NLRP9: variants seen among roughly 807,000 people sequenced by gnomAD.
NLRP9 encodes the protein NLR family pyrin domain containing 9.
In NLRP9, 88 loss-of-function variants were observed where a neutral mutation model predicts 83.1. That is an observed-to-expected ratio of 1.06 (90% CI 0.89 to 1.26). NLRP9 has a LOEUF of 1.26. NLRP9 is among the 50% of genes most tolerant of loss of function. The pLI, the probability that NLRP9 is intolerant of heterozygous loss-of-function variation, is 0.00. For missense variants in NLRP9, 1,308 were observed against 1,179.3 expected (o/e 1.11, Z -1.60); for synonymous variants, 521 against 447.6 (o/e 1.16, Z -2.07).
chr19:55,711,072 C>A (rs1261843847), intron 8 of NLRP9, among the ~76,000 whole-genome samples: 15 of 144,152 alleles, frequency 1.0e-4, no homozygotes, highest in African/African-American at 4.1e-4. Context: ...GATGACAGAG[C>A]AAGACTCTGC....
intron 8 of NLRP9, among the ~76,000 whole-genome samples, chr19:55,711,171 A>G (rs910420023): frequency 6.6e-6 from 1 of 152,104 alleles, no homozygotes; most frequent in Admixed American, 6.6e-5. Context: ...TAATGAATTC[A>G]TGTACTCATC....
intron 4 of NLRP9, among the ~76,000 whole-genome samples, chr19:55,718,467 T>C (rs74421704): frequency 0.091 from 13,857 of 152,130 alleles, 901 homozygotes; most frequent in Non-Finnish European, 0.13. Flanking sequence ...TAGGAGAAAA[T>C]TGCCCTGTGG....
chr19:55,738,384 G>A lies in NLRP9; in HGVS notation c.-10C>T, dbSNP rs559472872. 18 of 1,610,234 alleles carry A rather than the reference G, an allele frequency of 1.1e-5. No homozygotes were observed. The South Asian group carries it at 2.0e-4, about 18-fold the overall frequency. On this transcript the variant is annotated 5_prime_UTR_variant, in exon 1 of 9. Coordinates refer to ENST00000332836, the MANE Select transcript of NLRP9 (RefSeq NM_176820.4). ...AAAAAGATTCTGCCATATCGCCCCA[G>A]GATTGTGAACTGAGGTGTCTCCAGA...
At chr19:55,713,378 G>A (rs1172532446) in intron 6 of NLRP9, among the ~76,000 whole-genome samples, 1 of 151,710 alleles carries the variant, frequency 6.6e-6, no homozygotes, top group South Asian at 2.1e-4. Context: ...ATGACATATA[G>A]ATACATGATA....
At position 55,724,060 on chromosome 19, in the gene NLRP9, G is replaced by A. The variant is rs144650620; in HGVS notation, c.2079C>T (p.Tyr693=). 545 of 1,613,304 alleles carry A rather than the reference G, an allele frequency of 3.4e-4. 1 individual carries two copies. In the African/African-American group the frequency reaches 5.1e-3, roughly 15 times the overall value. ...TGTCAGACTGGGAGAGGCTAGTGCCGTACAGGCTCAGAAGTTTCAGATGAG... is the reference window on the plus strand; with the variant it reads ...TGTCAGACTGGGAGAGGCTAGTGCCATACAGGCTCAGAAGTTTCAGATGAG... The part of the protein sequence containing the change: ...HNPHLKLLSL[Y]GTSLSQSDIR... The change falls in exon 4 of 9, where the codon TAC becomes TAT. Residue 693 remains tyrosine (Y), a synonymous_variant. Coordinates refer to ENST00000332836, the MANE Select transcript of NLRP9 (RefSeq NM_176820.4).
chr19:55,711,211 C>G (rs987567589), intron 8 of NLRP9: 2 of 199,818 alleles, frequency 1.0e-5, no homozygotes, highest in Non-Finnish European at 1.8e-5. Flanking sequence ...AATATTCAGC[C>G]TCTTCCATTT....
chr19:55,724,431 C>A (rs1169733028), intron 3 of NLRP9, among the ~76,000 whole-genome samples: 2 of 152,106 alleles, frequency 1.3e-5, no homozygotes, highest in East Asian at 3.9e-4. Context: ...TTAAACCGAG[C>A]CCCATGGGGA....
At position 55,729,913 on chromosome 19, in the gene NLRP9, C is replaced by G. The variant is rs1988521663; in HGVS notation, c.1912G>C (p.Glu638Gln). ...GAGGGATCATCGAGGCTGGTATTTT[C>G]CATGTCTAAAATCTGGAAGTTCTTG... is the stretch of plus-strand genomic sequence containing the variant. ...TNKNFQILDM[E>Q]NTSLDDPSLA... The change falls in exon 3 of 9, where the codon GAA becomes CAA. Residue 638 changes from glutamate (E) to glutamine (Q), a missense_variant. Transcript: ENST00000332836. 1 of 1,613,648 alleles carries G rather than the reference C, an allele frequency of 6.2e-7. No individual in the cohort carries two copies. Among genetic ancestry groups the G allele is most frequent in the South Asian group, 1.1e-5 (1 of 91,068 alleles).
intron 4 of NLRP9, 140 bp downstream of exon 4, chr19:55,723,840 G>T (rs1483384829): frequency 4.7e-6 from 3 of 643,746 alleles, no homozygotes; most frequent in Non-Finnish European, 5.2e-6. Context: ...TTCACCTTAT[G>T]AGAGAGACAG....
rs1185792704 is a variant in NLRP9, at chr19:55,715,137, C to T, written c.2419G>A (p.Gly807Ser). The stretch of plus-strand genomic sequence containing the variant: ...CCATTATCTTCCAGGGCATTTGAGC[C>T]CAGATCGAGGAGGGACAGGGACTTA... ...CSKSLSLLDL[G>S]SNALEDNGVA... is the part of the protein sequence containing the mutation. Residue 807 changes from glycine (G) to serine (S), a missense_variant, in exon 6 of 9, where the codon GGC (glycine) becomes AGC (serine). Gly to Ser is a moderately conservative substitution (Grantham distance 56). Transcript: ENST00000332836. 1.2e-6 allele frequency: 2 copies of T among 1,613,276 alleles called. No individual in the cohort carries two copies. The highest frequency in any genetic ancestry group is 1.7e-6 in the Non-Finnish European group (2 of 1,179,900).
At position 55,732,607 on chromosome 19, in the gene NLRP9, A is replaced by T; in HGVS notation, c.1224T>A (p.Phe408Leu). Residue 408 changes from phenylalanine (F) to leucine (L), a missense_variant, in exon 2 of 9, where the codon TTT becomes TTA. Coordinates refer to ENST00000332836, the MANE Select transcript of NLRP9 (RefSeq NM_176820.4). ...TCCGGAGATCCCCATGGGAAAATAC[A>T]AATGTATATGTCCAAATTCCCTCTG... ...LAAEGIWTYT[F>L]VFSHGDLRRN... is the part of the protein sequence containing the mutation. 1 of 1,614,226 alleles carries T rather than the reference A, an allele frequency of 6.2e-7. No homozygotes were observed.
intron 6 of NLRP9, among the ~76,000 whole-genome samples, chr19:55,713,542 C>T (rs900939901): frequency 3.4e-5 from 5 of 147,976 alleles, no homozygotes; most frequent in African/African-American, 1.3e-4. Context: ...TTTTGGTCTA[C>T]CACGCCAGGA....
intron 4 of NLRP9, among the ~76,000 whole-genome samples, chr19:55,720,911 A>T (rs1220892117): frequency 6.6e-6 from 1 of 152,234 alleles, no homozygotes; most frequent in Non-Finnish European, 1.5e-5. Flanking sequence ...ACAAATGAAA[A>T]GGCGCTCATA....
In NLRP9 at chr19:55,738,158, G is replaced by A. The variant is rs1297774145; in HGVS notation, c.217C>T (p.Leu73=). Residue 73 remains leucine (L), a synonymous_variant, in exon 1 of 9, where the codon CTG becomes TTG. Transcript: ENST00000332836. ...CTATTGATCTGTAGAAACAGGTTCA[G>A]TGTTACCTCCCATGCCTGCTTTCCT... The part of the protein sequence containing the change: ...YPGKQAWEVT[L]NLFLQINRKD... The A allele has an allele frequency of 6.2e-7, 1 of 1,614,114 alleles. No individual in the cohort carries two copies. The highest frequency in any genetic ancestry group is 8.5e-7 in the Non-Finnish European group (1 of 1,179,970).
chr19:55,713,709 CT>C (rs1454211924), intron 6 of NLRP9, among the ~76,000 whole-genome samples: 339 of 548 alleles, frequency 0.62, 132 homozygotes, highest in Middle Eastern at 1. Flanking sequence ...CTCCCCACCT[CT>C]TCCCCCCTCC....
chr19:55,711,108 C>CA (rs568342962), intron 8 of NLRP9, among the ~76,000 whole-genome samples: 48,109 of 144,250 alleles, frequency 0.33, 9,036 homozygotes, highest in African/African-American at 0.5. Flanking sequence ...CAAAACAAAA[C>CA]AAAAAAAAAA....
At position 55,732,210 on chromosome 19, in the gene NLRP9, C is replaced by G. The variant is rs117621173; in HGVS notation, c.1621G>C (p.Ala541Pro). ...SQCEADREAI[A>P]FQELFIGLFE... The stretch of plus-strand genomic sequence containing the variant: ...AAACCAATGAATAGTTCCTGGAAAG[C>G]TATGGCTTCCCTATCAGCTTCACAT... Residue 541 changes from alanine (A) to proline (P), a missense_variant, in exon 2 of 9, where the codon GCT becomes CCT. Transcript: ENST00000332836. The G allele has an allele frequency of 3.4e-4, 547 of 1,613,824 alleles. 6 individuals are homozygous for G. The East Asian group carries it at 0.011, about 32-fold the overall frequency.
rs1382821565 is a variant in NLRP9, at chr19:55,732,269, T to G, written c.1562A>C (p.Gln521Pro). Residue 521 changes from glutamine to proline, a missense_variant, in exon 2 of 9, where the codon CAG becomes CCG. By Grantham distance (76) the Gln-to-Pro change is moderately conservative (BLOSUM62 -1). Transcript: ENST00000332836. ...ACTTTCAAGGCATTGGGTTATTTCC[T>G]GCTTTAGGTCTTTTGACAGTGGAAA... ...FGFPLSKDLK[Q>P]EITQCLESLS... 6.2e-7 allele frequency: 1 copy of G among 1,614,174 alleles called. No homozygotes were observed. The highest frequency in any genetic ancestry group is 2.2e-5 in the East Asian group (1 of 44,888).
In NLRP9 at chr19:55,711,600, G is replaced by A. The variant is rs542298440; in HGVS notation, c.2843+200C>T. Reference sequence around the variant, plus strand: ...GAGGGAAGTGCTACTGGCAACTCATGAGAAAGGCCGAGAATGTTGCTTGAC... The same window carrying A: ...GAGGGAAGTGCTACTGGCAACTCATAAGAAAGGCCGAGAATGTTGCTTGAC... On this transcript the variant is annotated intron_variant, in intron 8 of 8. Transcript: ENST00000332836. 6.9e-6 allele frequency: 6 copies of A among 865,296 alleles called. No individual in the cohort carries two copies. In the South Asian group the frequency reaches 7.3e-5, roughly 11 times the overall value. 53.6% of individuals were successfully genotyped at this position (865,296 alleles called of 1,614,324 possible). A position where few individuals can be genotyped will look rare whatever the true frequency, so the allele number is the denominator to read the frequency against.
Sources: allele counts gnomAD v4.1 joint callset (sites outside exome capture counted in the v4.1 genomes callset), GRCh38; gene constraint gnomAD v4.1.1; transcripts MANE v1.5; gene names NCBI Gene and HGNC (gene_info 2026-07-23, HGNC 2026-07-21).